Variants in CSTPP1 observed in about 807,000 individuals in gnomAD.
CSTPP1 encodes the protein UPF0705 protein C11orf49.
the CSTPP1 span, among the ~76,000 whole-genome samples, chr11:47,066,026 A>G: frequency 1.4e-5 from 2 of 145,924 alleles, no homozygotes; most frequent in African/African-American, 5.2e-5. Context: ...CTTTCTGCAT[A>G]TAAGATCATA....
the CSTPP1 span, among the ~76,000 whole-genome samples, chr11:46,963,258 G>A: frequency 6.7e-6 from 1 of 149,778 alleles, no homozygotes. Flanking sequence ...GGGGAGTTTT[G>A]TAGATATTCT....
chr11:47,016,405 AAAAAAC>A, the CSTPP1 span, among the ~76,000 whole-genome samples: 4 of 61,482 alleles, frequency 6.5e-5, no homozygotes, highest in Admixed American at 2.9e-4. Context: ...AACAAAAAAC[AAAAAAC>A]AAAAAAAAAA....
the CSTPP1 span, among the ~76,000 whole-genome samples, chr11:47,029,852 C>T: frequency 2.7e-5 from 4 of 149,972 alleles, no homozygotes. Context: ...AATCCTAGCA[C>T]TTTGGGAGGC....
the CSTPP1 span, among the ~76,000 whole-genome samples, chr11:47,120,167 C>G: frequency 6.6e-6 from 1 of 152,162 alleles, no homozygotes; most frequent in Non-Finnish European, 1.5e-5. This position sits in a 1 kb window ranked among gnomAD's most constrained non-coding sequence, Gnocchi z 4.2. Context: ...ACAGGTGATT[C>G]ATGATCATAT....
At chr11:47,035,036 A>G in the CSTPP1 span, among the ~76,000 whole-genome samples, 106 of 152,314 alleles carry the variant, frequency 7.0e-4, no homozygotes, top group Non-Finnish European at 1.3e-3. Context: ...TGCCTTTCTT[A>G]TAGAAATCCT....
At chr11:47,152,981 C>G in the CSTPP1 span, among the ~76,000 whole-genome samples, 827 of 152,288 alleles carry the variant, frequency 5.4e-3, 2 homozygotes, top group African/African-American at 0.019. Context: ...CCCTGCTGAG[C>G]CTGCCAAGGA....
the CSTPP1 span, among the ~76,000 whole-genome samples, chr11:47,085,119 G>T: frequency 3.3e-5 from 5 of 152,030 alleles, no homozygotes; most frequent in African/African-American, 1.2e-4. Context: ...CAGAAGAATT[G>T]CTTGAACCCG....
chr11:47,119,233 A>C, the CSTPP1 span, among the ~76,000 whole-genome samples: 2 of 152,242 alleles, frequency 1.3e-5, no homozygotes, highest in Admixed American at 1.3e-4. Flanking sequence ...AGCAGTGAGC[A>C]AGGTTCTGTG....
chr11:47,162,135 G>A, the CSTPP1 span: 34 of 985,918 alleles, frequency 3.4e-5, no homozygotes, highest in Middle Eastern at 1.5e-3. Flanking sequence ...GTAATATGAA[G>A]GGTGGGCCAG....
At chr11:47,089,214 G>A in the CSTPP1 span, among the ~76,000 whole-genome samples, 1 of 152,028 alleles carries the variant, frequency 6.6e-6, no homozygotes, top group South Asian at 2.1e-4. Context: ...TCGGCAAAGG[G>A]GTCGATTAAG....
At chr11:46,952,384 G>T in the CSTPP1 span, among the ~76,000 whole-genome samples, 1 of 152,216 alleles carries the variant, frequency 6.6e-6, no homozygotes, top group African/African-American at 2.4e-5. Flanking sequence ...ACTTAATAAG[G>T]TCCCTGCTAA....
At chr11:47,157,752 A>T in the CSTPP1 span, 1 of 1,509,854 alleles carries the variant, frequency 6.6e-7, no homozygotes, top group Non-Finnish European at 9.2e-7. Context: ...ACCTGAAAGT[A>T]TGGATGCAGA....
chr11:47,004,290 C>G, the CSTPP1 span: 1 of 151,676 alleles, frequency 6.6e-6, no homozygotes, highest in African/African-American at 2.4e-5. Flanking sequence ...ATCCTCCTGC[C>G]TCAGCTTCCC....
At chr11:47,164,176 A>G in the CSTPP1 span, 6 of 1,613,844 alleles carry the variant, frequency 3.7e-6, no homozygotes, top group Admixed American at 1.7e-5. Context: ...AGAAGAGAGA[A>G]GCAGGAGGCC....
chr11:47,103,330 G>T, the CSTPP1 span, among the ~76,000 whole-genome samples: 1 of 151,614 alleles, frequency 6.6e-6, no homozygotes, highest in Non-Finnish European at 1.5e-5. Context: ...AGCCTGGGAG[G>T]TGGGGGTTGC....
the CSTPP1 span, among the ~76,000 whole-genome samples, chr11:47,014,299 AAGAG>A: frequency 3.2e-4 from 48 of 150,946 alleles, no homozygotes; most frequent in African/African-American, 9.3e-4. Context: ...GGGAGGAAGA[AAGAG>A]AGAAGAGAAA....
chr11:47,137,796 G>A, the CSTPP1 span: 2 of 1,492,964 alleles, frequency 1.3e-6, no homozygotes, highest in Non-Finnish European at 1.9e-6. Flanking sequence ...GAGAAACCTG[G>A]AGTGTATACA....
At chr11:47,060,001 G>A in the CSTPP1 span, among the ~76,000 whole-genome samples, 1 of 151,778 alleles carries the variant, frequency 6.6e-6, no homozygotes, top group African/African-American at 2.4e-5. Flanking sequence ...CTACTCAGGA[G>A]GCTAAAGCAG....
chr11:47,068,764 T>C, the CSTPP1 span, among the ~76,000 whole-genome samples: 1 of 152,172 alleles, frequency 6.6e-6, no homozygotes, highest in African/African-American at 2.4e-5. Flanking sequence ...TAAATTTACT[T>C]TGCATTTGCT....
Sources: gnomAD v4.1 joint callset for allele counts (sites outside exome capture counted in the v4.1 genomes callset) on GRCh38, gnomAD v4.1.1 for gene constraint, Gnocchi (gnomAD v3.1) non-coding constraint, MANE v1.5 for transcripts, NCBI Gene and HGNC (gene_info 2026-07-23, HGNC 2026-07-21) for gene names.